INPP4B: variants seen among roughly 807,000 people sequenced by gnomAD.
INPP4B encodes the protein inositol polyphosphate-4-phosphatase type II B, also known as inositol polyphosphate 4-phosphatase type II.
Under a neutral mutation model 122.5 loss-of-function variants are expected in INPP4B, and 55 were observed. The observed-to-expected ratio is 0.45, with a 90% CI of 0.36 to 0.56. The LOEUF is 0.56. Ranked by LOEUF, INPP4B falls within the 20% of genes least tolerant of loss-of-function variation. The probability of loss-of-function intolerance (pLI) is 0.00; values close to 1 mark genes in which losing one functional copy is unlikely to be tolerated. For synonymous variants in INPP4B, 403 were observed against 388.7 expected, an observed-to-expected ratio of 1.04 and a Z score of -0.43; for missense variants, 1,000 against 1,097.7, an observed-to-expected ratio of 0.91 and a Z score of 1.26.
chr4:142,124,171 T>C (rs937473775), intron 19 of INPP4B, among the ~76,000 whole-genome samples: 1 of 152,158 alleles, frequency 6.6e-6, no homozygotes, highest in African/African-American at 2.4e-5. Flanking sequence ...TGAAATCCTG[T>C]CCCAGGATTC....
At chr4:142,569,236 C>A (rs1732291304) in intron 2 of INPP4B, among the ~76,000 whole-genome samples, 1 of 149,240 alleles carries the variant, frequency 6.7e-6, no homozygotes, top group Non-Finnish European at 1.5e-5. Flanking sequence ...GAAACCAGTA[C>A]ACAAAAATGA....
chr4:142,285,030 AG>A (rs1296396061), intron 9 of INPP4B, among the ~76,000 whole-genome samples: 1 of 151,840 alleles, frequency 6.6e-6, no homozygotes, highest in African/African-American at 2.4e-5. Context: ...GATGTGGGGG[AG>A]GGGCTGTGTA....
rs538345143 is a variant in INPP4B, at chr4:142,649,249, C to T, written c.-191+76590G>A. ...CATCAAAGACCAAAGGTAGATAAAA[C>T]CACAAAGATGGGGAGAAACTAGAAC... On this transcript the variant is annotated intron_variant, in intron 2 of 25. Transcript: ENST00000262992. Among the ~76,000 whole-genome samples the T allele has an allele frequency of 4.6e-5, 7 of 152,326 alleles. No individual in the cohort carries two copies. In the South Asian group the frequency reaches 1.5e-3, roughly 32 times the overall value.
intron 7 of INPP4B, among the ~76,000 whole-genome samples, chr4:142,352,119 A>T (rs1782099402): frequency 6.6e-6 from 1 of 151,882 alleles, no homozygotes; most frequent in Non-Finnish European, 1.5e-5. Context: ...TGGTTGGCCA[A>T]ATAGTGTGTT....
rs550795922 is a variant in INPP4B at position 142,700,653 on chromosome 4, CCT to C, written c.-191+25184_-191+25185del. ...TGCCCAATTTTTAACTCATTTTTGC[CCT>C]GTCTTATTTGCATGAAATTTTTTTT... is the stretch of plus-strand genomic sequence containing the variant. On this transcript the variant is annotated intron_variant, in intron 2 of 25. Transcript: ENST00000262992. Among the ~76,000 whole-genome samples the C allele has an allele frequency of 5.3e-4, 77 of 146,044 alleles. 2 individuals are homozygous for C. In the South Asian group the frequency reaches 0.017, roughly 32 times the overall value.
intron 2 of INPP4B, among the ~76,000 whole-genome samples, chr4:142,523,168 A>G (rs999864340): frequency 6.6e-6 from 1 of 152,176 alleles, no homozygotes; most frequent in African/African-American, 2.4e-5. Flanking sequence ...AGCAACAACA[A>G]TTACTGAAAA....
chr4:142,307,949 GCAGCTAGAGA>G (rs3836678), intron 8 of INPP4B, among the ~76,000 whole-genome samples: 33,956 of 152,038 alleles, frequency 0.22, 3,915 homozygotes, highest in South Asian at 0.27. Context: ...GTGGAATGTA[GCAGCTAGAGA>G]CAGGTGGAAT....
At chr4:142,751,625 C>T (rs1769731411) in intron 1 of INPP4B, among the ~76,000 whole-genome samples, 1 of 152,002 alleles carries the variant, frequency 6.6e-6, no homozygotes, top group African/African-American at 2.4e-5. Context: ...TATTAATATG[C>T]CATGCTCTAT....
At chr4:142,562,461 A>G (rs958763530) in intron 2 of INPP4B, among the ~76,000 whole-genome samples, 6 of 152,162 alleles carry the variant, frequency 3.9e-5, no homozygotes, top group Non-Finnish European at 8.8e-5. Flanking sequence ...CTTACATCCC[A>G]TATAGCCCAG....
At chr4:142,097,709 A>C (rs953248087) in intron 23 of INPP4B, among the ~76,000 whole-genome samples, 1 of 152,180 alleles carries the variant, frequency 6.6e-6, no homozygotes, top group African/African-American at 2.4e-5. Context: ...CAGAACCTTC[A>C]ATGTGATAAT....
At chr4:142,491,837 A>G (rs1821922188) in intron 2 of INPP4B, among the ~76,000 whole-genome samples, 1 of 152,228 alleles carries the variant, frequency 6.6e-6, no homozygotes. Context: ...GCAAAAGGTA[A>G]CAAGTACTGG....
At chr4:142,504,553 A>C (rs764705479) in intron 2 of INPP4B, among the ~76,000 whole-genome samples, 2 of 152,156 alleles carry the variant, frequency 1.3e-5, no homozygotes, top group African/African-American at 2.4e-5. Flanking sequence ...TCTTCTGTTC[A>C]TTTGACCAAA....
At chr4:142,170,941 G>T (rs1402773790) in intron 16 of INPP4B, among the ~76,000 whole-genome samples, 1 of 151,788 alleles carries the variant, frequency 6.6e-6, no homozygotes, top group East Asian at 1.9e-4. Flanking sequence ...CATGTGCCTT[G>T]GTTCTCAGTA....
chr4:142,564,723 G>A (rs1029896261), intron 2 of INPP4B, among the ~76,000 whole-genome samples: 1 of 151,966 alleles, frequency 6.6e-6, no homozygotes, highest in African/African-American at 2.4e-5. Flanking sequence ...AATATGGAAT[G>A]TTGGAGTATC....
At chr4:142,269,833 CAAT>C (rs1744881422) in intron 10 of INPP4B, among the ~76,000 whole-genome samples, 7 of 152,030 alleles carry the variant, frequency 4.6e-5, no homozygotes, top group Admixed American at 4.6e-4. Context: ...GAAGTATATA[CAAT>C]GATTGTTTAT....
chr4:142,399,189 C>CTTTTTTTTT lies in INPP4B; in HGVS notation c.372+3740_372+3748dup, dbSNP rs70949166. On this transcript the variant is annotated intron_variant, in intron 7 of 25. Coordinates refer to ENST00000262992, the MANE Select transcript of INPP4B (RefSeq NM_001101669.3). The stretch of plus-strand genomic sequence containing the variant: ...CTTTTCCTTTCTAAATTTCCTTTTG[C>CTTTTTTTTT]TTTTTTTTTTTTTTTTTTTTTTTTT... Among the ~76,000 whole-genome samples, 38 of 56,992 alleles carry CTTTTTTTTT rather than the reference C, an allele frequency of 6.7e-4. 3 individuals are homozygous for CTTTTTTTTT. The highest frequency in any genetic ancestry group is 6.2e-3 in the East Asian group (9 of 1,452). The allele number at this position is 56,992 out of a possible 152,430, so 37.4% of individuals were successfully genotyped here.
chr4:142,650,068 C>A (rs961328931), intron 2 of INPP4B, among the ~76,000 whole-genome samples: 1 of 152,018 alleles, frequency 6.6e-6, no homozygotes, highest in Non-Finnish European at 1.5e-5. Flanking sequence ...TATTCAACAT[C>A]CTTAAAGAAA....
At chr4:142,580,391 C>T (rs1039774460) in intron 2 of INPP4B, among the ~76,000 whole-genome samples, 2 of 151,958 alleles carry the variant, frequency 1.3e-5, no homozygotes, top group African/African-American at 4.8e-5. Flanking sequence ...ACCCAACACA[C>T]AATTTTCTCT....
intron 17 of INPP4B, among the ~76,000 whole-genome samples, chr4:142,147,536 T>C (rs189506389): frequency 3.9e-5 from 6 of 152,260 alleles, no homozygotes; most frequent in Admixed American, 3.9e-4. Context: ...CCCAGTTGTC[T>C]CAGTTGGAAT....
Sources: allele counts gnomAD v4.1 joint callset (sites outside exome capture counted in the v4.1 genomes callset), GRCh38; gene constraint gnomAD v4.1.1; transcripts MANE v1.5; gene names NCBI Gene and HGNC (gene_info 2026-07-23, HGNC 2026-07-21).